PTK2: variants seen among roughly 807,000 people sequenced by gnomAD.
PTK2 encodes the protein focal adhesion kinase 1.
PTK2 carries 45 observed loss-of-function variants against 150.1 expected under a neutral mutation model. That is an observed-to-expected ratio of 0.30 (90% CI 0.24 to 0.38). The LOEUF is 0.38. Ranked by LOEUF, PTK2 falls within the 10% of genes least tolerant of loss-of-function variation. PTK2 has a pLI of 1.00. For synonymous variants in PTK2, 432 were observed against 449.2 expected (o/e 0.96, Z 0.48); for missense variants, 919 against 1,307.3 (o/e 0.70, Z 4.58).
intron 10 of PTK2, among the ~76,000 whole-genome samples, chr8:140,804,228 CTT>C (rs11449247): frequency 3.4e-5 from 5 of 147,212 alleles, no homozygotes; most frequent in African/African-American, 7.5e-5. Flanking sequence ...TTGGCTTCTT[CTT>C]TTTTTTTTTC....
chr8:140,937,505 G>A (rs970558528), intron 1 of PTK2, among the ~76,000 whole-genome samples: 5 of 150,194 alleles, frequency 3.3e-5, no homozygotes, highest in Admixed American at 1.3e-4. Flanking sequence ...AATTACCCAG[G>A]AACCACCTTT....
chr8:140,930,655 T>C (rs769096739), intron 1 of PTK2, among the ~76,000 whole-genome samples: 2 of 152,238 alleles, frequency 1.3e-5, no homozygotes, highest in African/African-American at 2.4e-5. Flanking sequence ...TAGAAAGGTA[T>C]TTCATTTCTA....
intron 1 of PTK2, among the ~76,000 whole-genome samples, chr8:140,987,882 A>C (rs955444724): frequency 6.6e-6 from 1 of 152,072 alleles, no homozygotes; most frequent in African/African-American, 2.4e-5. Context: ...GTCTCTACAA[A>C]AATGTTTTTT....
exon 13 of PTK2, chr8:140,793,361 T>TTGA: frequency 6.2e-7 from 1 of 1,609,834 alleles, no homozygotes; most frequent in Non-Finnish European, 8.5e-7. Context: ...TACTTTGGTA[T>TTGA]TGATGGCAAA....
At chr8:140,951,756 T>C (rs1250431832) in intron 1 of PTK2, among the ~76,000 whole-genome samples, 1 of 152,086 alleles carries the variant, frequency 6.6e-6, no homozygotes, top group African/African-American at 2.4e-5. Context: ...TGGTAGCATG[T>C]GCCTATAGTT....
intron 4 of PTK2, among the ~76,000 whole-genome samples, chr8:140,874,020 A>G (rs2100144126): frequency 6.6e-6 from 1 of 152,078 alleles, no homozygotes; most frequent in African/African-American, 2.4e-5. Flanking sequence ...ATTTTTTTAC[A>G]GTTTTGCATG....
At chr8:140,819,467 T>TA (rs2154601839) in intron 8 of PTK2, among the ~76,000 whole-genome samples, 1 of 152,354 alleles carries the variant, frequency 6.6e-6, no homozygotes, top group Admixed American at 6.5e-5. Context: ...CATTATTCTT[T>TA]AGAAATGATT....
At chr8:140,680,372 T>C (rs2100016307) in intron 27 of PTK2, among the ~76,000 whole-genome samples, 1 of 152,104 alleles carries the variant, frequency 6.6e-6, no homozygotes, top group Non-Finnish European at 1.5e-5. Flanking sequence ...GGATTACAGG[T>C]ACCCGCTACC....
chr8:140,664,992 G>A (rs772774156), exon 31 of PTK2: 18 of 1,613,618 alleles, frequency 1.1e-5, no homozygotes, highest in Admixed American at 1.7e-5. Flanking sequence ...GGGCCAAGCC[G>A]ACTTCCTAAC....
At chr8:140,754,123 C>CG (rs2100064293) in intron 16 of PTK2, among the ~76,000 whole-genome samples, 1 of 152,176 alleles carries the variant, frequency 6.6e-6, no homozygotes, top group Admixed American at 6.5e-5. Context: ...ACTGTATCAT[C>CG]GACTCAGGGA....
At chr8:140,767,925 C>T (rs2100073334) in intron 14 of PTK2, among the ~76,000 whole-genome samples, 1 of 152,122 alleles carries the variant, frequency 6.6e-6, no homozygotes, top group Non-Finnish European at 1.5e-5. Flanking sequence ...CCTGGGCCCT[C>T]CACATGTTAG....
At chr8:140,796,451 T>C (rs1457892786) in intron 12 of PTK2, among the ~76,000 whole-genome samples, 1 of 152,292 alleles carries the variant, frequency 6.6e-6, no homozygotes, top group South Asian at 2.1e-4. Flanking sequence ...CACACCCAAA[T>C]TGTTAATAAT....
At chr8:140,803,901 G>C (rs956792149) in intron 10 of PTK2, among the ~76,000 whole-genome samples, 2 of 152,210 alleles carry the variant, frequency 1.3e-5, no homozygotes, top group African/African-American at 2.4e-5. Context: ...GGATGAGTGA[G>C]AGTACAGTTA....
At chr8:140,788,509 C>T (rs765493320) in intron 14 of PTK2, among the ~76,000 whole-genome samples, 22 of 152,120 alleles carry the variant, frequency 1.4e-4, no homozygotes, top group Non-Finnish European at 2.6e-4. Flanking sequence ...TATGGCAAAA[C>T]CCTGTCTCTA....
intron 14 of PTK2, among the ~76,000 whole-genome samples, chr8:140,774,464 C>A (rs1374214370): frequency 6.6e-6 from 1 of 152,184 alleles, no homozygotes; most frequent in Non-Finnish European, 1.5e-5. Context: ...TGTTGGGTCA[C>A]CCATCAGCAT....
chr8:140,659,133 G>C (rs2075992800), exon 32 of PTK2: 2 of 295,964 alleles, frequency 6.8e-6, no homozygotes, highest in South Asian at 1.4e-4. Flanking sequence ...TCACCCCTTG[G>C]CCATCCCCCT....
intron 4 of PTK2, among the ~76,000 whole-genome samples, chr8:140,876,511 G>GTTTTATTT (rs902253869): frequency 3.7e-5 from 5 of 134,982 alleles, no homozygotes; most frequent in Admixed American, 2.4e-4. Context: ...CAATGCATCA[G>GTTTTATTT]TTTAGTTTTA....
intron 1 of PTK2, among the ~76,000 whole-genome samples, chr8:140,933,990 A>G (rs1271742400): frequency 5.7e-5 from 7 of 122,636 alleles, no homozygotes; most frequent in Non-Finnish European, 1.4e-4. Flanking sequence ...ACATAGAGCT[A>G]AAGGACAAAA....
At chr8:140,876,273 G>C (rs1032619164) in intron 4 of PTK2, among the ~76,000 whole-genome samples, 2 of 151,978 alleles carry the variant, frequency 1.3e-5, no homozygotes, top group Non-Finnish European at 2.9e-5. Flanking sequence ...AGGTTCCTTT[G>C]GTGGCAAATC....
Sources: gnomAD v4.1 joint callset for allele counts (sites outside exome capture counted in the v4.1 genomes callset) on GRCh38, gnomAD v4.1.1 for gene constraint, MANE v1.5 for transcripts, NCBI Gene and HGNC (gene_info 2026-07-23, HGNC 2026-07-21) for gene names.